GRID1: variants seen among roughly 807,000 people sequenced by gnomAD.
GRID1 encodes glutamate receptor ionotropic, delta-1.
GRID1 carries 28 observed loss-of-function variants against 98.0 expected under a neutral mutation model. That is an observed-to-expected ratio of 0.29 (90% CI 0.21 to 0.39). The LOEUF is 0.39. GRID1 is among the 10% of genes least tolerant of loss of function. The pLI is 1.00. For synonymous variants in GRID1, 553 were observed against 538.5 expected (o/e 1.03, Z -0.37); for missense variants, 1,111 against 1,340.5 (o/e 0.83, Z 2.67).
intron 8 of GRID1, among the ~76,000 whole-genome samples, chr10:85,828,640 A>T (rs1477521916): frequency 6.6e-6 from 1 of 152,076 alleles, no homozygotes; most frequent in Non-Finnish European, 1.5e-5. Flanking sequence ...TGCAAAAAAA[A>T]ACCCAGTGAC....
intron 8 of GRID1, among the ~76,000 whole-genome samples, chr10:85,818,998 G>A (rs1162924700): frequency 6.6e-6 from 1 of 152,128 alleles, no homozygotes; most frequent in Non-Finnish European, 1.5e-5. Context: ...TGGGATTACA[G>A]GAGTGAGCCA....
At chr10:85,804,744 A>G (rs1842607123) in intron 8 of GRID1, among the ~76,000 whole-genome samples, 1 of 151,928 alleles carries the variant, frequency 6.6e-6, no homozygotes, top group Non-Finnish European at 1.5e-5. Flanking sequence ...CATAACAATC[A>G]CAGTAAAAAT....
intron 12 of GRID1, among the ~76,000 whole-genome samples, chr10:85,674,038 A>G (rs752502509): frequency 6.6e-5 from 10 of 152,224 alleles, no homozygotes; most frequent in African/African-American, 1.2e-4. Context: ...TTAGGTTAAA[A>G]TGAGTTTGCT....
intron 12 of GRID1, among the ~76,000 whole-genome samples, chr10:85,719,519 G>A (rs7903759): frequency 0.039 from 5,866 of 152,120 alleles, 361 homozygotes; most frequent in African/African-American, 0.13. Context: ...CTTACATGGT[G>A]GTGGCAAGAG....
At chr10:85,896,290 T>C (rs1214302714) in intron 5 of GRID1, among the ~76,000 whole-genome samples, 1 of 152,192 alleles carries the variant, frequency 6.6e-6, no homozygotes, top group Non-Finnish European at 1.5e-5. Context: ...GAACTTTTAC[T>C]TGGCTTGATG....
Position 86,341,827 on chromosome 10 carries a change from C to T in GRID1, c.235+22114G>A, listed in dbSNP as rs577013631. 9.8e-5 allele frequency among the ~76,000 whole-genome samples: 15 copies of T among 152,300 alleles called. No homozygotes were observed. The South Asian group carries it at 2.9e-3, about 29-fold the overall frequency. On this transcript the variant is annotated intron_variant, in intron 2 of 15. Coordinates refer to ENST00000327946, the MANE Select transcript of GRID1 (RefSeq NM_017551.3). ...GGGGTTTCCAGGCTCAAGAGCTGTG[C>T]GCCTGCAGTTCTTAGTCTGTGGAGC...
chr10:86,327,523 T>C (rs1449028637), intron 2 of GRID1, among the ~76,000 whole-genome samples: 36 of 152,214 alleles, frequency 2.4e-4, no homozygotes, highest in Admixed American at 2.4e-3. Context: ...CTTTCGGAAG[T>C]TTTATCACTG....
At chr10:85,687,754 T>C (rs539061661) in intron 12 of GRID1, among the ~76,000 whole-genome samples, 3 of 151,950 alleles carry the variant, frequency 2.0e-5, no homozygotes, top group South Asian at 4.2e-4. Flanking sequence ...ACAAACGAAG[T>C]GGGAAAAGTT....
In GRID1 at chr10:86,324,194, T is replaced by C. The variant is rs146029607; in HGVS notation, c.235+39747A>G. 7.6e-4 allele frequency among the ~76,000 whole-genome samples: 116 copies of C among 151,958 alleles called. 2 individuals are homozygous for C. The East Asian group carries it at 0.022, about 29-fold the overall frequency. ...ACTCATCTCAAAAAAAAAAAATTGG[T>C]TTTTATTAACTATTAAAATTTGGAA... is the stretch of plus-strand genomic sequence containing the variant. On this transcript the variant is annotated intron_variant, in intron 2 of 15. Transcript: ENST00000327946.
chr10:85,632,700 C>A (rs1458416955), intron 13 of GRID1, among the ~76,000 whole-genome samples: 1 of 152,100 alleles, frequency 6.6e-6, no homozygotes, highest in Non-Finnish European at 1.5e-5. Flanking sequence ...TGTGCCACCA[C>A]ACCGGGCTAA....
rs1055306627 is a variant in GRID1 at position 85,825,737 on chromosome 10, G to C, written c.1233+28759C>G. ...ATGGTCAATCAAAAATATGGTAAGA[G>C]AGAAATGCAATAGAAAACATAATCA... On this transcript the variant is annotated intron_variant, in intron 8 of 15. Coordinates refer to ENST00000327946, the MANE Select transcript of GRID1 (RefSeq NM_017551.3). Among the ~76,000 whole-genome samples, 4 of 152,032 alleles carry C rather than the reference G, an allele frequency of 2.6e-5. No homozygotes were observed. The South Asian group carries it at 8.3e-4, about 31-fold the overall frequency.
chr10:86,318,153 T>C (rs1847923995), intron 2 of GRID1, among the ~76,000 whole-genome samples: 1 of 152,138 alleles, frequency 6.6e-6, no homozygotes, highest in Non-Finnish European at 1.5e-5. Flanking sequence ...TTCAGAGGCA[T>C]GAGAAAGGCC....
At chr10:85,922,608 C>G (rs539685044) in intron 4 of GRID1, among the ~76,000 whole-genome samples, 2 of 152,264 alleles carry the variant, frequency 1.3e-5, no homozygotes, top group African/African-American at 2.4e-5. Flanking sequence ...ATTGAGCTCA[C>G]GTTAAAGGCC....
intron 2 of GRID1, among the ~76,000 whole-genome samples, chr10:86,349,518 G>C (rs745316950): frequency 5.9e-5 from 9 of 152,306 alleles, no homozygotes; most frequent in Non-Finnish European, 1.2e-4. Flanking sequence ...TCTCCCCTTT[G>C]CACATGGCCT....
At chr10:85,835,786 T>A (rs1006716541) in intron 8 of GRID1, among the ~76,000 whole-genome samples, 5 of 152,102 alleles carry the variant, frequency 3.3e-5, no homozygotes, top group African/African-American at 1.2e-4. Context: ...TCCTAAACAA[T>A]AAAGAGACTT....
intron 4 of GRID1, among the ~76,000 whole-genome samples, chr10:85,945,091 A>G (rs1157405540): frequency 6.6e-6 from 1 of 152,190 alleles, no homozygotes; most frequent in Non-Finnish European, 1.5e-5. Context: ...CATCCTAACC[A>G]TGAACACCTA....
intron 2 of GRID1, among the ~76,000 whole-genome samples, chr10:86,241,411 GC>G (rs879447281): frequency 2.7e-5 from 4 of 149,674 alleles, no homozygotes; most frequent in African/African-American, 7.4e-5. Flanking sequence ...TTACAGGGGG[GC>G]CCCCTACAGC....
At position 85,600,789 on chromosome 10, in the gene GRID1, G is replaced by A. The variant is rs532975086; in HGVS notation, c.*1484C>T. ...GCAACTGAAGGAGGGGGCGCTGTTA[G>A]GTGGTCCTAGGCTTAGAAAACTGGG... On this transcript the variant is annotated 3_prime_UTR_variant, in exon 16 of 16. Coordinates refer to ENST00000327946, the MANE Select transcript of GRID1 (RefSeq NM_017551.3). 3.3e-5 allele frequency: 5 copies of A among 152,398 alleles called. No individual in the cohort carries two copies. The highest frequency in any genetic ancestry group is 7.3e-5 in the Non-Finnish European group (5 of 68,072). The allele number at this position is 152,398 out of a possible 1,614,324, so 9.4% of individuals were successfully genotyped here. A position where few individuals can be genotyped will look rare whatever the true frequency, so the allele number is the denominator to read the frequency against.
intron 8 of GRID1, among the ~76,000 whole-genome samples, chr10:85,841,634 A>G (rs1842962148): frequency 6.6e-6 from 1 of 152,108 alleles, no homozygotes; most frequent in South Asian, 2.1e-4. Context: ...AAACAAATTT[A>G]TCAAAAAGAA....
Sources: allele counts gnomAD v4.1 joint callset (sites outside exome capture counted in the v4.1 genomes callset), GRCh38; gene constraint gnomAD v4.1.1; transcripts MANE v1.5; gene names NCBI Gene and HGNC (gene_info 2026-07-23, HGNC 2026-07-21).